The following CEP128 variants were observed in gnomAD, a reference collection of about 807,000 sequenced individuals.
CEP128 encodes centrosomal protein 128kDa.
A neutral mutation model predicts 156.7 loss-of-function variants in CEP128; 132 were observed. That is an observed-to-expected ratio of 0.84 (90% CI 0.73 to 0.97). CEP128 has a LOEUF of 0.97. Among genes scored for constraint, CEP128 ranks in the 50% least tolerant of loss-of-function variants. The probability of loss-of-function intolerance (pLI) is 0.00; values close to 1 mark genes in which losing one functional copy is unlikely to be tolerated. For synonymous variants in CEP128, 469 were observed against 448.9 expected, an observed-to-expected ratio of 1.04 and a Z score of -0.57; for missense variants, 1,252 against 1,281.9, an observed-to-expected ratio of 0.98 and a Z score of 0.36.
intron 13 of CEP128, among the ~76,000 whole-genome samples, chr14:80,803,250 A>C (rs1883979583): frequency 6.6e-6 from 1 of 152,116 alleles, no homozygotes; most frequent in South Asian, 2.1e-4. Flanking sequence ...CTCTCTTCCA[A>C]ATTTATGCTG....
intron 6 of CEP128, among the ~76,000 whole-genome samples, chr14:80,901,436 T>C (rs1883557344): frequency 6.6e-6 from 1 of 152,206 alleles, no homozygotes; most frequent in Non-Finnish European, 1.5e-5. Context: ...TGCCAGCTAC[T>C]GAGAAGTGGC....
chr14:80,520,236 T>C (rs1409955623), intron 23 of CEP128, among the ~76,000 whole-genome samples: 1 of 152,054 alleles, frequency 6.6e-6, no homozygotes, highest in Admixed American at 6.6e-5. Context: ...CTGGCCAACA[T>C]GGTGAAACCC....
chr14:80,814,452 C>T (rs551487620), intron 13 of CEP128, among the ~76,000 whole-genome samples: 1 of 151,332 alleles, frequency 6.6e-6, no homozygotes, highest in South Asian at 2.1e-4. Context: ...TCACCAGATC[C>T]TCTTCCTAGC....
intron 19 of CEP128, among the ~76,000 whole-genome samples, chr14:80,617,219 CT>C (rs3069115): frequency 9.0e-4 from 54 of 60,202 alleles, no homozygotes; most frequent in African/African-American, 2.8e-3. Context: ...TGAATATCAT[CT>C]TTTTTTTTTT....
intron 10 of CEP128, among the ~76,000 whole-genome samples, chr14:80,838,591 T>C (rs1198563463): frequency 6.6e-6 from 1 of 152,134 alleles, no homozygotes; most frequent in Non-Finnish European, 1.5e-5. Context: ...AAGTATTTTA[T>C]ATTAAACAGT....
chr14:80,808,839 C>T (rs955569250), intron 13 of CEP128, among the ~76,000 whole-genome samples: 1 of 152,056 alleles, frequency 6.6e-6, no homozygotes, highest in Non-Finnish European at 1.5e-5. Flanking sequence ...TCCCAACCAA[C>T]GCCACTAATG....
chr14:80,613,729 T>A lies in CEP128; in HGVS notation c.2807-33306A>T, dbSNP rs185975860. ...CATATGCTGTTTATATTTCTAAATG[T>A]AAATTCTAACTTTGATTCTAATTTT... On this transcript the variant is annotated intron_variant, in intron 19 of 24. Coordinates refer to ENST00000555265, the MANE Select transcript of CEP128 (RefSeq NM_152446.5). Among the ~76,000 whole-genome samples, 234 of 152,318 alleles carry A rather than the reference T, an allele frequency of 1.5e-3. 1 individual carries two copies. The highest frequency in any genetic ancestry group is 5.2e-3 in the African/African-American group (218 of 41,580).
In CEP128 at chr14:80,785,026, G is replaced by C. The variant is rs1463361273; in HGVS notation, c.2080C>G (p.Gln694Glu). The change falls in exon 15 of 25, where the codon CAG becomes GAG. Residue 694 changes from glutamine to glutamate, a missense_variant. Gln to Glu is a conservative substitution (Grantham distance 29). Coordinates refer to ENST00000555265, the MANE Select transcript of CEP128 (RefSeq NM_152446.5). ...TQLKLERDVH[Q>E]RELKDLTSSL... ...GATGTGAGATCTTTCAGCTCCCTCTGGTGCACATCTCGTTCCAGCTTTAAC... is the reference window on the plus strand; with the variant it reads ...GATGTGAGATCTTTCAGCTCCCTCTCGTGCACATCTCGTTCCAGCTTTAAC... 1 of 1,614,020 alleles carries C rather than the reference G, an allele frequency of 6.2e-7. No homozygotes were observed. Among genetic ancestry groups the C allele is most frequent in the Non-Finnish European group, 8.5e-7 (1 of 1,180,002 alleles).
intron 7 of CEP128, among the ~76,000 whole-genome samples, chr14:80,898,240 C>A (rs1889439567): frequency 6.6e-6 from 1 of 152,132 alleles, no homozygotes; most frequent in South Asian, 2.1e-4. Flanking sequence ...AGAATACCAA[C>A]CTTTCAACAT....
Position 80,884,458 on chromosome 14 carries a change from A to G in CEP128, c.645+11260T>C, listed in dbSNP as rs530567719. On this transcript the variant is annotated intron_variant, in intron 8 of 24. Transcript: ENST00000555265. ...GTTCTTCATTTCCAACTGAGGTATC[A>G]AGTTCATCTCATTGGGACTGGCTAG... is the stretch of plus-strand genomic sequence containing the variant. Among the ~76,000 whole-genome samples the G allele has an allele frequency of 7.2e-5, 11 of 152,302 alleles. No homozygotes were observed. In the East Asian group the frequency reaches 1.5e-3, roughly 21 times the overall value.
At chr14:80,673,152 T>C (rs903176943) in intron 19 of CEP128, among the ~76,000 whole-genome samples, 4 of 152,186 alleles carry the variant, frequency 2.6e-5, no homozygotes, top group African/African-American at 9.7e-5. Flanking sequence ...GGAAAATTTA[T>C]AGTCTTAGCA....
intron 19 of CEP128, among the ~76,000 whole-genome samples, chr14:80,626,488 AAAAAAAAG>A (rs1354346960): frequency 6.7e-6 from 1 of 149,928 alleles, no homozygotes; most frequent in Non-Finnish European, 1.5e-5. Flanking sequence ...AAAAAAAAAA[AAAAAAAAG>A]AGTGAGACAG....
At chr14:80,646,965 T>G (rs1213150982) in intron 19 of CEP128, among the ~76,000 whole-genome samples, 1 of 144,348 alleles carries the variant, frequency 6.9e-6, no homozygotes, top group Admixed American at 7.1e-5. Flanking sequence ...AGTAGAATGC[T>G]AGGCCAAAAG....
intron 12 of CEP128, among the ~76,000 whole-genome samples, chr14:80,832,102 G>C (rs112758920): frequency 0.15 from 23,222 of 152,170 alleles, 2,083 homozygotes; most frequent in Admixed American, 0.22. Context: ...CCCTACACAA[G>C]CTCTATTCCC....
At chr14:80,930,868 G>C (rs576803943) in intron 2 of CEP128, among the ~76,000 whole-genome samples, 1 of 152,360 alleles carries the variant, frequency 6.6e-6, no homozygotes, top group South Asian at 2.1e-4. Flanking sequence ...TTGGTGAAGA[G>C]TTGACCTGCT....
chr14:80,950,078 ATGTCCT>A (rs1251555749), intron 2 of CEP128, among the ~76,000 whole-genome samples: 1 of 152,208 alleles, frequency 6.6e-6, no homozygotes, highest in Non-Finnish European at 1.5e-5. Context: ...ACAATGACTG[ATGTCCT>A]TGTAGGAAGA....
chr14:80,846,523 T>C (rs1435590983), intron 9 of CEP128, among the ~76,000 whole-genome samples: 4 of 152,042 alleles, frequency 2.6e-5, no homozygotes, highest in East Asian at 1.9e-4. Context: ...TATAAGCAAA[T>C]TGATCAACCC....
intron 21 of CEP128, among the ~76,000 whole-genome samples, chr14:80,544,243 T>G (rs1285075236): frequency 6.6e-6 from 1 of 152,160 alleles, no homozygotes; most frequent in East Asian, 1.9e-4. Flanking sequence ...CCCATTAAAT[T>G]GAAAACTCTT....
intron 21 of CEP128, among the ~76,000 whole-genome samples, chr14:80,537,518 T>C (rs1397763465): frequency 6.6e-6 from 1 of 152,134 alleles, no homozygotes; most frequent in African/African-American, 2.4e-5. Flanking sequence ...AGTTTAATGT[T>C]CTCTGTGTGC....
Sources: allele counts gnomAD v4.1 joint callset (sites outside exome capture counted in the v4.1 genomes callset), GRCh38; gene constraint gnomAD v4.1.1; transcripts MANE v1.5; gene names NCBI Gene and HGNC (gene_info 2026-07-23, HGNC 2026-07-21).